Variants in PSG9 observed in about 807,000 individuals in gnomAD.
The protein encoded by PSG9 is pregnancy specific beta-1-glycoprotein 9, also known as pregnancy-specific beta-1-glycoprotein 9.
PSG9 carries 49 observed loss-of-function variants against 41.9 expected under a neutral mutation model. The ratio of observed to expected loss-of-function variants is 1.17; its 90% confidence interval spans 0.93 to 1.48. The LOEUF (loss-of-function observed/expected upper bound fraction) is 1.48. Among genes scored for constraint, PSG9 ranks in the 40% most tolerant of loss-of-function variants. The probability of loss-of-function intolerance (pLI) is 0.00; values close to 1 mark genes in which losing one functional copy is unlikely to be tolerated. For missense variants in PSG9, 641 were observed against 520.3 expected (o/e 1.23, Z -2.26); for synonymous variants, 263 against 196.8 (o/e 1.34, Z -2.82).
At position 43,261,945 on chromosome 19, in the gene PSG9, T is replaced by G. The variant is rs146007230; in HGVS notation, c.624A>C (p.Thr208=). Residue 208 remains threonine, a synonymous_variant, in exon 3 of 6, where the codon ACA becomes ACC. Coordinates refer to ENST00000270077, the MANE Select transcript of PSG9 (RefSeq NM_002784.5). ...TNRTLYLFGV[T]KYIAGPYECE... The stretch of plus-strand genomic sequence containing the variant: ...ATTCATAGGGTCCTGCAATATACTT[T>G]GTGACACCAAATAGATAGAGGGTCC... The G allele has an allele frequency of 7.4e-5, 119 of 1,614,074 alleles. 2 individuals carry two copies. The highest frequency in any genetic ancestry group is 6.7e-4 in the African/African-American group (50 of 75,026).
intron 1 of PSG9, among the ~76,000 whole-genome samples, chr19:43,268,740 G>GTT (rs878914818): frequency 6.6e-6 from 1 of 151,504 alleles, no homozygotes; most frequent in Non-Finnish European, 1.5e-5. Flanking sequence ...TGCCCTGGGT[G>GTT]TTTTTTTTTC....
At chr19:43,253,707 G>A (rs1968348872) in intron 5 of PSG9, 61 bp from the exon 6 acceptor site, 1 of 1,057,878 alleles carries the variant, frequency 9.5e-7, no homozygotes, top group Non-Finnish European at 1.4e-6. Context: ...TACACAGAAA[G>A]CTTCTTTCCT....
In PSG9 at chr19:43,262,031, A is replaced by G. The variant is rs1254298365; in HGVS notation, c.538T>C (p.Trp180Arg). 2 of 1,614,032 alleles carry G rather than the reference A, an allele frequency of 1.2e-6. No individual in the cohort carries two copies. Among genetic ancestry groups the G allele is most frequent in the South Asian group, 1.1e-5 (1 of 91,070 alleles). Residue 180 changes from tryptophan (W) to arginine (R), a missense_variant, in exon 3 of 6, where the codon TGG (tryptophan) becomes CGG (arginine). Coordinates refer to ENST00000270077, the MANE Select transcript of PSG9 (RefSeq NM_002784.5). ...GGGAGGCTCTGACCATTCATCCACCATAGGTAGCTTGCGTCCAGAGTCTCA... is the reference window on the plus strand; with the variant it reads ...GGGAGGCTCTGACCATTCATCCACCGTAGGTAGCTTGCGTCCAGAGTCTCA... ...DPETLDASYL[W>R]WMNGQSLPVT...
At chr19:43,266,709 A>T (rs1968985436) in intron 2 of PSG9, among the ~76,000 whole-genome samples, 1 of 152,076 alleles carries the variant, frequency 6.6e-6, no homozygotes. Context: ...AGAAGAGAGG[A>T]TTTGAGCCAA....
At chr19:43,267,483 G>C (rs1435052212) in intron 2 of PSG9, among the ~76,000 whole-genome samples, 1 of 152,140 alleles carries the variant, frequency 6.6e-6, no homozygotes, top group Non-Finnish European at 1.5e-5. Context: ...GTCTTTCTCA[G>C]GGTCAAATTT....
chr19:43,265,715 G>C (rs1277159524), intron 2 of PSG9, among the ~76,000 whole-genome samples: 1 of 152,056 alleles, frequency 6.6e-6, no homozygotes, highest in Non-Finnish European at 1.5e-5. Context: ...TTTTTTTTGT[G>C]TGTGTGTGCA....
In PSG9 at chr19:43,258,972, T is replaced by G. The variant is rs1231219077; in HGVS notation, c.873A>C (p.Glu291Asp). Residue 291 changes from glutamate (E) to aspartate (D), a missense_variant, in exon 4 of 6, where the codon GAA (glutamate) becomes GAC (aspartate). Coordinates refer to ENST00000270077, the MANE Select transcript of PSG9 (RefSeq NM_002784.5). Reference protein sequence around the residue: ...PVSPGVKRPIENRILILPSVT... With the variant: ...PVSPGVKRPIDNRILILPSVT... ...CACTGGGTAGAATGAGTATCCTGTT[T>G]TCAATGGGTCGCTTTACCCCGGGAC... 5 of 1,590,402 alleles carry G rather than the reference T, an allele frequency of 3.1e-6. No homozygotes were observed. The highest frequency in any genetic ancestry group is 1.7e-5 in the Admixed American group (1 of 58,610).
intron 1 of PSG9, among the ~76,000 whole-genome samples, chr19:43,268,897 A>G (rs985063276): frequency 3.3e-5 from 5 of 151,936 alleles, no homozygotes; most frequent in Non-Finnish European, 5.9e-5. Flanking sequence ...AACACTTAAG[A>G]TTTTCCTACC....
rs572802786 is a variant in PSG9, at chr19:43,267,282, A to T, written c.430+502T>A. 2.4e-3 allele frequency among the ~76,000 whole-genome samples: 371 copies of T among 152,232 alleles called. 2 individuals carry two copies. The highest frequency in any genetic ancestry group is 3.4e-3 in the Middle Eastern group (1 of 294). On this transcript the variant is annotated intron_variant, in intron 2 of 5. Coordinates refer to ENST00000270077, the MANE Select transcript of PSG9 (RefSeq NM_002784.5). Reference sequence around the variant, plus strand: ...AACAGCTCCAGGAGACACAGTCCTCAGACAGCTGGTAAATTCTTGGTCCCA... The same window carrying T: ...AACAGCTCCAGGAGACACAGTCCTCTGACAGCTGGTAAATTCTTGGTCCCA...
intron 5 of PSG9, among the ~76,000 whole-genome samples, chr19:43,255,040 G>A (rs111466846): frequency 0.013 from 1,811 of 141,054 alleles, 226 homozygotes; most frequent in African/African-American, 0.047. Flanking sequence ...GCAGTGAGCC[G>A]TAATCACACC....
At chr19:43,263,949 A>G (rs1174899712) in intron 2 of PSG9, among the ~76,000 whole-genome samples, 3 of 152,112 alleles carry the variant, frequency 2.0e-5, no homozygotes, top group Admixed American at 6.5e-5. Context: ...ATTAGGAAAA[A>G]TGGGGAGGAC....
rs1341288292 is a variant in PSG9 at position 43,260,401 on chromosome 19, GATTCAA to G, written c.710-1272_710-1267del. 2 of 147,256 alleles carry G rather than the reference GATTCAA, an allele frequency of 1.4e-5. 1 individual carries two copies. Among genetic ancestry groups the G allele is most frequent in the Non-Finnish European group, 3.0e-5 (2 of 67,488 alleles). 9.1% of individuals were successfully genotyped at this position (147,256 alleles called of 1,614,324 possible). A position where few individuals can be genotyped will look rare whatever the true frequency, so the allele number is the denominator to read the frequency against. On this transcript the variant is annotated intron_variant, in intron 3 of 5. Transcript: ENST00000270077. The stretch of plus-strand genomic sequence containing the variant: ...CTGGTTTAGCATCCCAAATCTGAAA[GATTCAA>G]AATCTAAAATGCTTCAGTGAGCATT...
intron 2 of PSG9, 136 bp downstream of exon 2, chr19:43,267,648 A>G: frequency 6.9e-7 from 1 of 1,449,642 alleles, no homozygotes; most frequent in Non-Finnish European, 9.6e-7. Context: ...TGTGTCCTGC[A>G]CTAAATGCCC....
At chr19:43,256,678 C>A (rs1413026147) in intron 5 of PSG9, among the ~76,000 whole-genome samples, 1 of 146,514 alleles carries the variant, frequency 6.8e-6, no homozygotes, top group Admixed American at 6.8e-5. Flanking sequence ...TGATAAACAA[C>A]AACAATGACA....
chr19:43,268,748 T>A (rs946899283), intron 1 of PSG9, among the ~76,000 whole-genome samples: 3 of 152,158 alleles, frequency 2.0e-5, no homozygotes, highest in African/African-American at 7.2e-5. Flanking sequence ...GTGTTTTTTT[T>A]TCCCCCAATT....
chr19:43,265,653 A>G lies in PSG9; in HGVS notation c.430+2131T>C, dbSNP rs28550662. On this transcript the variant is annotated intron_variant, in intron 2 of 5. Coordinates refer to ENST00000270077, the MANE Select transcript of PSG9 (RefSeq NM_002784.5). The stretch of plus-strand genomic sequence containing the variant: ...ATAAACATCCGTCCTCCTGTTTGGC[A>G]GACTTGGAGTCATTAAAATCTTTCT... 2.1e-3 allele frequency among the ~76,000 whole-genome samples: 319 copies of G among 152,232 alleles called. 5 individuals carry two copies. The highest frequency in any genetic ancestry group is 7.2e-3 in the African/African-American group (298 of 41,534).
chr19:43,262,409 C>T (rs1012445496), intron 2 of PSG9, among the ~76,000 whole-genome samples: 2 of 152,166 alleles, frequency 1.3e-5, no homozygotes, highest in Non-Finnish European at 2.9e-5. Flanking sequence ...CCAGCAGTCA[C>T]AGCCCCTGAT....
intron 1 of PSG9, among the ~76,000 whole-genome samples, chr19:43,269,151 T>C (rs58773757): frequency 0.22 from 33,062 of 151,754 alleles, 4,400 homozygotes; most frequent in East Asian, 0.48. Context: ...ATTACAGGAG[T>C]ACACCACCAT....
In PSG9 at chr19:43,253,382, T is replaced by A. The variant is rs1245028833; in HGVS notation, c.*227A>T. The A allele has an allele frequency of 5.2e-6, 2 of 387,946 alleles. No homozygotes were observed. The highest frequency in any genetic ancestry group is 9.0e-6 in the Non-Finnish European group (2 of 221,522). 24.0% of individuals were successfully genotyped at this position (387,946 alleles called of 1,614,324 possible). A position where few individuals can be genotyped will look rare whatever the true frequency, so the allele number is the denominator to read the frequency against. ...TTCAGATAGACAGCAAAAGCAAATA[T>A]TTCAATTTTTGTTTACAAAAGTATA... On this transcript the variant is annotated 3_prime_UTR_variant, in exon 6 of 6. Transcript: ENST00000270077.
Sources: allele counts gnomAD v4.1 joint callset (sites outside exome capture counted in the v4.1 genomes callset), GRCh38; gene constraint gnomAD v4.1.1; transcripts MANE v1.5; gene names NCBI Gene and HGNC (gene_info 2026-07-23, HGNC 2026-07-21).